Variants in EVPL observed in about 807,000 individuals in gnomAD.
EVPL encodes envoplakin, also known as 210 kDa cornified envelope precursor protein.
In EVPL, 94 loss-of-function variants were observed where a neutral mutation model predicts 129.7. The observed-to-expected ratio is 0.72, with a 90% CI of 0.61 to 0.86. The LOEUF (loss-of-function observed/expected upper bound fraction) is 0.86, where lower values mean the gene tolerates loss of function less well. Ranked by LOEUF, EVPL falls within the 40% of genes least tolerant of loss-of-function variation. The pLI is 0.00. For synonymous variants in EVPL, 1,172 were observed against 1,191.1 expected, an observed-to-expected ratio of 0.98 and a Z score of 0.33; for missense variants, 2,625 against 2,721.1, an observed-to-expected ratio of 0.96 and a Z score of 0.79.
intron 14 of EVPL, among the ~76,000 whole-genome samples, chr17:76,016,492 A>G (rs1283772379): frequency 6.6e-6 from 1 of 152,124 alleles, no homozygotes; most frequent in East Asian, 1.9e-4. Flanking sequence ...TTCAAAACCT[A>G]AGGACCCAGC....
intron 18 of EVPL, among the ~76,000 whole-genome samples, chr17:76,012,951 A>G (rs373661822): frequency 1.0e-3 from 152 of 151,528 alleles, no homozygotes; most frequent in East Asian, 6.3e-3. Context: ...TCACCGTGTT[A>G]GCCAGGATGG....
At position 76,015,642 on chromosome 17, in the gene EVPL, G is replaced by T. The variant is rs1455192897; in HGVS notation, c.1711-14C>A. The T allele has an allele frequency of 6.2e-7, 1 of 1,605,922 alleles. No individual in the cohort carries two copies. The highest frequency in any genetic ancestry group is 1.1e-5 in the South Asian group (1 of 90,576). On this transcript the variant is annotated splice_polypyrimidine_tract_variant and intron_variant, in intron 14 of 21. Transcript: ENST00000301607. ...CTGGGCTGTGCCCTAAAGAGGGGCGGGGTCAGGGATCTCTGGGCAGGTGGG... is the reference window on the plus strand; with the variant it reads ...CTGGGCTGTGCCCTAAAGAGGGGCGTGGTCAGGGATCTCTGGGCAGGTGGG...
Position 76,007,753 on chromosome 17 carries a change from G to A in EVPL, c.5452C>T (p.Leu1818Phe). The change falls in exon 22 of 22, where the codon CTC becomes TTC. Residue 1818 changes from leucine (L) to phenylalanine (F), a missense_variant. By Grantham distance (22) the Leu-to-Phe change is conservative. This residue lies in a region of EVPL where 1,453 missense variants were observed against 1,511.8 expected (regional missense o/e 0.96). Transcript: ENST00000301607. The surrounding 1 kb of genome is among the most constrained non-coding windows in gnomAD (Gnocchi z 8.8). ...STSFFSPSFS[L>F]GLGDDSFPIA... Reference sequence around the variant, plus strand: ...GGGAAGCTGTCATCACCGAGCCCGAGAGAGAAGCTGGGAGAGAAGAAACTG... The same window carrying A: ...GGGAAGCTGTCATCACCGAGCCCGAAAGAGAAGCTGGGAGAGAAGAAACTG... 6.2e-7 allele frequency: 1 copy of A among 1,612,922 alleles called. No homozygotes were observed. The highest frequency in any genetic ancestry group is 8.5e-7 in the Non-Finnish European group (1 of 1,179,120).
rs754524500 is a variant in EVPL at position 76,017,930 on chromosome 17, G to A, written c.1538-19C>T. 6.2e-7 allele frequency: 1 copy of A among 1,613,422 alleles called. No individual in the cohort carries two copies. The highest frequency in any genetic ancestry group is 8.5e-7 in the Non-Finnish European group (1 of 1,179,784). On this transcript the variant is annotated intron_variant, in intron 13 of 21. Coordinates refer to ENST00000301607, the MANE Select transcript of EVPL (RefSeq NM_001988.4). ...GATGGAGCTGGGGGCAGAGGTGCTG[G>A]TGAGGGCCCAGGGCCTATCTCCAGA...
intron 8 of EVPL, 34 bp downstream of exon 8, chr17:76,021,640 C>T (rs1448394452): frequency 7.7e-6 from 12 of 1,566,442 alleles, no homozygotes; most frequent in Non-Finnish European, 1.0e-5. Flanking sequence ...CCGCCCACCA[C>T]GTCCCTTCTC....
At position 76,009,149 on chromosome 17, in the gene EVPL, G is replaced by C. The variant is rs769237374; in HGVS notation, c.4056C>G (p.Tyr1352Ter). 4 of 1,611,084 alleles carry C rather than the reference G, an allele frequency of 2.5e-6. No individual in the cohort carries two copies. The South Asian group carries it at 4.4e-5, about 18-fold the overall frequency. The change falls in exon 22 of 22, where the codon TAC becomes TAG. Residue 1352 changes from tyrosine (Y) to a stop codon, truncating the protein, a stop_gained. Coordinates refer to ENST00000301607, the MANE Select transcript of EVPL (RefSeq NM_001988.4). LOFTEE classifies it low-confidence loss of function (END_TRUNC). The surrounding 1 kb of genome is among the most constrained non-coding windows in gnomAD (Gnocchi z 5.9). ...GCAGCAGGCGCTTGCTCTGCAGCTC[G>C]TACACCGCGTCCTCCGCGGCCCGCC... ...QKRRAAEDAV[Y>*]ELQSKRLLLE...
At chr17:76,018,016 G>A in intron 13 of EVPL, 105 bp from the exon 14 acceptor site, 1 of 1,550,376 alleles carries the variant, frequency 6.5e-7, no homozygotes, top group South Asian at 1.2e-5. Context: ...AGGGTGGAGG[G>A]GATGGGCAGG....
intron 18 of EVPL, among the ~76,000 whole-genome samples, chr17:76,012,742 C>CTTTTTTTTT (rs56349197): frequency 6.0e-5 from 7 of 117,532 alleles, no homozygotes; most frequent in Non-Finnish European, 8.7e-5. Flanking sequence ...TCTTTCTTTT[C>CTTTTTTTTT]TTTTTTTTTT....
rs766908241 is a variant in EVPL, at chr17:76,010,359, C to T, written c.2846G>A (p.Arg949Gln). ...RSQLLQLRTQ[R>Q]PLERLEEKEV... ...CTTCTCCTCCAGCCTCTCCAAGGGCCGCTGGGTCCTCAGCTGCAGCAGTTG... is the reference window on the plus strand; with the variant it reads ...CTTCTCCTCCAGCCTCTCCAAGGGCTGCTGGGTCCTCAGCTGCAGCAGTTG... The change falls in exon 22 of 22, where the codon CGG (arginine) becomes CAG (glutamine). Residue 949 changes from arginine to glutamine, a missense_variant. This residue lies in a region of EVPL where 1,453 missense variants were observed against 1,511.8 expected (regional missense o/e 0.96). Coordinates refer to ENST00000301607, the MANE Select transcript of EVPL (RefSeq NM_001988.4). The T allele has an allele frequency of 6.8e-6, 11 of 1,613,856 alleles. No individual in the cohort carries two copies. The highest frequency in any genetic ancestry group is 3.3e-5 in the Admixed American group (2 of 60,004).
chr17:76,015,738 T>A, intron 14 of EVPL, 110 bp from the exon 15 acceptor site: 1 of 1,176,904 alleles, frequency 8.5e-7, no homozygotes, highest in South Asian at 1.5e-5. Flanking sequence ...GGTGGGTACA[T>A]GCTTGGGCTC....
chr17:76,025,648 A>G (rs1162182849), intron 1 of EVPL, among the ~76,000 whole-genome samples: 2 of 152,146 alleles, frequency 1.3e-5, no homozygotes, highest in East Asian at 3.9e-4. Flanking sequence ...TGAGAGTCTT[A>G]ACCACTGTCT....
Position 76,007,768 on chromosome 17 carries a change from A to G in EVPL, c.5437T>C (p.Ser1813Pro). ...SPAPQSTSFF[S>P]PSFSLGLGDD... ...CCGAGCCCGAGAGAGAAGCTGGGAG[A>G]GAAGAAACTGGTGCTCTGGGGGGCC... is the stretch of plus-strand genomic sequence containing the variant. The change falls in exon 22 of 22, where the codon TCT (serine) becomes CCT (proline). Residue 1813 changes from serine (S) to proline (P), a missense_variant. Ser to Pro is a moderately conservative substitution (Grantham distance 74). Transcript: ENST00000301607. This position sits in a 1 kb window ranked among gnomAD's most constrained non-coding sequence, Gnocchi z 8.8. 6.2e-7 allele frequency: 1 copy of G among 1,612,386 alleles called. No individual in the cohort carries two copies. The highest frequency in any genetic ancestry group is 8.5e-7 in the Non-Finnish European group (1 of 1,178,784).
At position 76,010,527 on chromosome 17, in the gene EVPL, T is replaced by G. The variant is rs771585370; in HGVS notation, c.2678A>C (p.Asp893Ala). 1.2e-6 allele frequency: 2 copies of G among 1,613,112 alleles called. No individual in the cohort carries two copies. Among genetic ancestry groups the G allele is most frequent in the Non-Finnish European group, 8.5e-7 (1 of 1,179,632 alleles). ...CTTTGCATCATGGGTCCTTCGGATG[T>G]CCTCACTGAGCTCCTTCTGCAGAGA... ...KMLEKKELSE[D>A]IRRTHDAKQG... Residue 893 changes from aspartate (D) to alanine (A), a missense_variant, in exon 22 of 22, where the codon GAC becomes GCC. Asp to Ala is a moderately radical substitution (Grantham distance 126). Transcript: ENST00000301607.
Position 76,024,198 on chromosome 17 carries a change from T to C in EVPL, c.99-78A>G. The C allele has an allele frequency of 7.4e-7, 1 of 1,344,340 alleles. No individual in the cohort carries two copies. The highest frequency in any genetic ancestry group is 1.0e-6 in the Non-Finnish European group (1 of 957,168). 83.3% of individuals were successfully genotyped at this position (1,344,340 alleles called of 1,614,324 possible). ...CCCATCCAGGTGGCATCCCCTGCCC[T>C]CCCTCCACCCCATCCTGCCCCCACA... On this transcript the variant is annotated intron_variant, in intron 1 of 21. Transcript: ENST00000301607. This position sits in a 1 kb window ranked among gnomAD's most constrained non-coding sequence, Gnocchi z 4.5.
chr17:76,009,319 C>T lies in EVPL; in HGVS notation c.3886G>A (p.Gly1296Ser), dbSNP rs750217864. 2.5e-6 allele frequency: 4 copies of T among 1,611,280 alleles called. No individual in the cohort carries two copies. In the Admixed American group the frequency reaches 5.0e-5, roughly 20 times the overall value. Residue 1296 changes from glycine to serine, a missense_variant, in exon 22 of 22, where the codon GGT (glycine) becomes AGT (serine). By Grantham distance (56) the Gly-to-Ser change is moderately conservative (BLOSUM62 0). This residue lies in a region of EVPL where 1,453 missense variants were observed against 1,511.8 expected (regional missense o/e 0.96). Transcript: ENST00000301607. The surrounding 1 kb of genome is among the most constrained non-coding windows in gnomAD (Gnocchi z 5.9). ...RSQEQLIRLQ[G>S]ERDEWRRERA... ...TCGCGCCTCCACTCGTCGCGCTCACCCTGCAGGCGGATGAGCTGCTCCTGG... is the reference window on the plus strand; with the variant it reads ...TCGCGCCTCCACTCGTCGCGCTCACTCTGCAGGCGGATGAGCTGCTCCTGG...
intron 10 of EVPL, 131 bp from the exon 11 acceptor site, chr17:76,019,191 A>T: frequency 9.9e-7 from 1 of 1,008,526 alleles, no homozygotes; most frequent in Non-Finnish European, 1.4e-6. Context: ...GCAAAGTAAA[A>T]GGAGCCCCTC....
chr17:76,021,322 CTGGGATTACA>C, intron 9 of EVPL, 136 bp downstream of exon 9: 1 of 713,592 alleles, frequency 1.4e-6, no homozygotes, highest in East Asian at 2.7e-5. Flanking sequence ...TCCCAAAGTG[CTGGGATTACA>C]GGTGTGAGCC....
intron 1 of EVPL, 39 bp downstream of exon 1, chr17:76,027,062 C>A (rs2066503209): frequency 1.6e-6 from 2 of 1,230,792 alleles, no homozygotes; most frequent in Non-Finnish European, 2.2e-6. Context: ...ACCACCCCCA[C>A]CCCAGTTCCC....
Position 76,026,803 on chromosome 17 carries a change from T to C in EVPL, c.98+298A>G, listed in dbSNP as rs191103153. Among the ~76,000 whole-genome samples, 59 of 152,342 alleles carry C rather than the reference T, an allele frequency of 3.9e-4. No homozygotes were observed. In the East Asian group the frequency reaches 6.2e-3, roughly 16 times the overall value. On this transcript the variant is annotated intron_variant, in intron 1 of 21. Transcript: ENST00000301607. ...AGAGGAGGGCCTCCGTGCAGGCTCC[T>C]GTCCAGCACTTCTCCCGCGAAGCGG...
Sources: allele counts gnomAD v4.1 joint callset (sites outside exome capture counted in the v4.1 genomes callset), GRCh38; gene constraint gnomAD v4.1.1; regional missense constraint gnomAD v4.1.1; non-coding constraint Gnocchi (gnomAD v3.1); transcripts MANE v1.5; gene names NCBI Gene and HGNC (gene_info 2026-07-23, HGNC 2026-07-21).